The following GPC5 variants were observed in gnomAD, a reference collection of about 807,000 sequenced individuals.
GPC5 encodes glypican-5.
In GPC5, 47 loss-of-function variants were observed where a neutral mutation model predicts 53.9. That is an observed-to-expected ratio of 0.87 (90% CI 0.69 to 1.11). GPC5 has a LOEUF of 1.11. Among genes scored for constraint, GPC5 ranks in the 50% most tolerant of loss-of-function variants. GPC5 has a pLI of 0.00. For missense variants in GPC5, 748 were observed against 713.1 expected (o/e 1.05, Z -0.56); for synonymous variants, 286 against 263.3 (o/e 1.09, Z -0.84).
At chr13:92,253,341 A>G (rs528403330) in intron 7 of GPC5, among the ~76,000 whole-genome samples, 4 of 152,218 alleles carry the variant, frequency 2.6e-5, no homozygotes, top group African/African-American at 7.2e-5. Context: ...GATCTCATAA[A>G]CTGGCATGAG....
chr13:91,474,370 A>G (rs1882805431), intron 2 of GPC5, among the ~76,000 whole-genome samples: 2 of 152,138 alleles, frequency 1.3e-5, no homozygotes, highest in African/African-American at 4.8e-5. Flanking sequence ...TGGTTTATCA[A>G]TATCTGAAGA....
At chr13:92,279,802 C>T (rs529898724) in intron 7 of GPC5, among the ~76,000 whole-genome samples, 1 of 151,992 alleles carries the variant, frequency 6.6e-6, no homozygotes, top group African/African-American at 2.4e-5. Flanking sequence ...ATTCAGTATG[C>T]TTATTTGGTT....
At chr13:92,530,659 G>T (rs1881531673) in intron 7 of GPC5, among the ~76,000 whole-genome samples, 1 of 151,964 alleles carries the variant, frequency 6.6e-6, no homozygotes, top group African/African-American at 2.4e-5. Flanking sequence ...AACATTCAAG[G>T]TTTCCAATTT....
At chr13:92,846,234 A>G (rs573136939) in intron 7 of GPC5, among the ~76,000 whole-genome samples, 1 of 152,250 alleles carries the variant, frequency 6.6e-6, no homozygotes, top group African/African-American at 2.4e-5. Context: ...GTGAGAACTC[A>G]CTCACTATCA....
intron 7 of GPC5, among the ~76,000 whole-genome samples, chr13:92,748,497 T>C (rs576025746): frequency 2.0e-5 from 3 of 151,726 alleles, no homozygotes; most frequent in East Asian, 3.9e-4. Flanking sequence ...TTGTTTGTAA[T>C]TTTTTTGTAG....
Position 91,834,322 on chromosome 13 carries a change from A to G in GPC5, c.1281-73615A>G, listed in dbSNP as rs546937399. Among the ~76,000 whole-genome samples, 9 of 152,338 alleles carry G rather than the reference A, an allele frequency of 5.9e-5. No homozygotes were observed. The South Asian group carries it at 1.9e-3, about 32-fold the overall frequency. On this transcript the variant is annotated intron_variant, in intron 5 of 7. Transcript: ENST00000377067. ...TATCGTGAAAAGGGCCATACTGTCCAAAGTAATTTATAGATTCAATGCTAT... is the reference window on the plus strand; with the variant it reads ...TATCGTGAAAAGGGCCATACTGTCCGAAGTAATTTATAGATTCAATGCTAT...
chr13:91,551,317 T>C (rs952517702), intron 2 of GPC5, among the ~76,000 whole-genome samples: 5 of 152,120 alleles, frequency 3.3e-5, no homozygotes, highest in African/African-American at 1.2e-4. Flanking sequence ...TCATTATATT[T>C]ATTGCTCAGT....
intron 2 of GPC5, among the ~76,000 whole-genome samples, chr13:91,652,158 A>T (rs2034728279): frequency 6.6e-6 from 1 of 152,232 alleles, no homozygotes. Flanking sequence ...GTCATCAATA[A>T]GAGCATGTTT....
At chr13:92,025,165 C>A (rs1037975154) in intron 6 of GPC5, among the ~76,000 whole-genome samples, 1 of 152,076 alleles carries the variant, frequency 6.6e-6, no homozygotes, top group Admixed American at 6.6e-5. Context: ...CAGAATATGG[C>A]TGCTTCACTC....
chr13:92,797,639 A>G (rs1159961979), intron 7 of GPC5, among the ~76,000 whole-genome samples: 2 of 151,900 alleles, frequency 1.3e-5, no homozygotes, highest in African/African-American at 4.8e-5. Context: ...TTTCATTCCT[A>G]AAAGGAAGAT....
intron 7 of GPC5, among the ~76,000 whole-genome samples, chr13:92,752,276 C>A (rs182266752): frequency 6.6e-6 from 1 of 152,270 alleles, no homozygotes; most frequent in Admixed American, 6.5e-5. Flanking sequence ...TTGTGACAAT[C>A]CAAAGTATCT....
chr13:92,417,345 T>A (rs1005375883), intron 7 of GPC5, among the ~76,000 whole-genome samples: 2 of 152,116 alleles, frequency 1.3e-5, no homozygotes, highest in African/African-American at 2.4e-5. Flanking sequence ...TTCAAAAAGA[T>A]AATAAAGTGT....
intron 5 of GPC5, among the ~76,000 whole-genome samples, chr13:91,843,719 G>A (rs1050119049): frequency 1.3e-5 from 2 of 152,164 alleles, no homozygotes; most frequent in Non-Finnish European, 2.9e-5. Context: ...CAGCAGATTG[G>A]AGGAAGGGAG....
intron 2 of GPC5, among the ~76,000 whole-genome samples, chr13:91,644,077 T>C (rs1413428131): frequency 6.6e-6 from 1 of 152,152 alleles, no homozygotes; most frequent in Non-Finnish European, 1.5e-5. Context: ...TAGGATATAT[T>C]GGTAAAATTA....
chr13:92,100,707 G>C (rs903163134), intron 6 of GPC5, among the ~76,000 whole-genome samples: 5 of 152,168 alleles, frequency 3.3e-5, no homozygotes, highest in African/African-American at 1.2e-4. Flanking sequence ...GTAGTCCACT[G>C]TCATCTTTTT....
intron 5 of GPC5, among the ~76,000 whole-genome samples, chr13:91,879,875 A>G (rs929285914): frequency 6.6e-6 from 1 of 152,166 alleles, no homozygotes; most frequent in African/African-American, 2.4e-5. Context: ...TGTAGAATTC[A>G]GTTCCTTTTT....
Position 91,774,046 on chromosome 13 carries a change from A to C in GPC5, c.1280+17626A>C, listed in dbSNP as rs1434183766. On this transcript the variant is annotated intron_variant, in intron 5 of 7. Transcript: ENST00000377067. ...TTGCAAATGCATTGCTTTTCTCTCT[A>C]AAAGTTTTGTAACAGCCAGGATTAC... 2.6e-5 allele frequency among the ~76,000 whole-genome samples: 4 copies of C among 152,316 alleles called. No homozygotes were observed. In the South Asian group the frequency reaches 6.2e-4, roughly 24 times the overall value.
intron 3 of GPC5, among the ~76,000 whole-genome samples, chr13:91,705,011 C>A (rs933085787): frequency 6.6e-6 from 1 of 152,164 alleles, no homozygotes; most frequent in African/African-American, 2.4e-5. Context: ...TGTCAGTTCC[C>A]TTCTTGGTCT....
At chr13:91,700,813 G>T (rs2035976313) in intron 3 of GPC5, among the ~76,000 whole-genome samples, 1 of 152,118 alleles carries the variant, frequency 6.6e-6, no homozygotes, top group South Asian at 2.1e-4. Context: ...AAGTTATTGA[G>T]GTTTCTTTGA....
Sources: gnomAD v4.1 joint callset for allele counts (sites outside exome capture counted in the v4.1 genomes callset) on GRCh38, gnomAD v4.1.1 for gene constraint, MANE v1.5 for transcripts, NCBI Gene and HGNC (gene_info 2026-07-23, HGNC 2026-07-21) for gene names.